Variants in LRRC39 observed in about 807,000 individuals in gnomAD.
LRRC39 encodes the protein leucine rich repeat containing 39.
Under a neutral mutation model 39.7 loss-of-function variants are expected in LRRC39, and 35 were observed. That is an observed-to-expected ratio of 0.88 (90% confidence interval 0.67 to 1.17). The LOEUF (loss-of-function observed/expected upper bound fraction) is 1.17. Among genes scored for constraint, LRRC39 ranks in the 50% most tolerant of loss-of-function variants. LRRC39 has a pLI of 0.00. For synonymous variants in LRRC39, 113 were observed against 134.1 expected (o/e 0.84, Z 1.09); for missense variants, 357 against 385.8 (o/e 0.93, Z 0.62).
chr1:100,165,249 T>C (rs112384486), intron 3 of LRRC39, among the ~76,000 whole-genome samples: 7 of 152,274 alleles, frequency 4.6e-5, no homozygotes, highest in African/African-American at 1.4e-4. Context: ...TTTTGGAAAT[T>C]ACATTTTGCT....
At position 100,152,470 on chromosome 1, in the gene LRRC39, A is replaced by T; in HGVS notation, c.867T>A (p.Ser289Arg). Residue 289 changes from serine to arginine, a missense_variant, in exon 9 of 10, where the codon AGT (serine) becomes AGA (arginine). Coordinates refer to ENST00000370137, the MANE Select transcript of LRRC39 (RefSeq NM_144620.4). ...GTTCCTCTTCTTCATCTGTGCCTTC[A>T]CTGGGAGGAAGTGATACTTTCAATT... ...PLKLKVSLPP[S>R]EGTDEEEERE... The T allele has an allele frequency of 1.2e-6, 2 of 1,614,072 alleles. No individual in the cohort carries two copies. The highest frequency in any genetic ancestry group is 8.5e-7 in the Non-Finnish European group (1 of 1,180,002).
At chr1:100,158,155 T>A (rs1237851741) in intron 6 of LRRC39, 76 bp downstream of exon 6, 1 of 1,443,348 alleles carries the variant, frequency 6.9e-7, no homozygotes, top group East Asian at 2.3e-5. Flanking sequence ...AGTTTTATTA[T>A]TGTTAACAAC....
rs762156293 is a variant in LRRC39 at position 100,155,093 on chromosome 1, A to G, written c.770T>C (p.Leu257Pro). ...TTCCATGCATACTGGAATATCTTGCAGTTTATTGTTGCTGAGAACAAGAGT... is the reference window on the plus strand; with the variant it reads ...TTCCATGCATACTGGAATATCTTGCGGTTTATTGTTGCTGAGAACAAGAGT... ...LGTLVLSNNK[L>P]QDIPVCMEEM... Residue 257 changes from leucine to proline, a missense_variant, in exon 8 of 10, where the codon CTG (leucine) becomes CCG (proline). Physicochemically the swap from Leu to Pro is moderately conservative, Grantham distance 98. Transcript: ENST00000370137. The G allele has an allele frequency of 1.9e-6, 3 of 1,607,012 alleles. No homozygotes were observed. Among genetic ancestry groups the G allele is most frequent in the Non-Finnish European group, 1.7e-6 (2 of 1,177,744 alleles).
At chr1:100,167,083 C>T (rs995386184) in intron 3 of LRRC39, among the ~76,000 whole-genome samples, 1 of 152,146 alleles carries the variant, frequency 6.6e-6, no homozygotes, top group African/African-American at 2.4e-5. Context: ...TAGAAGGTAA[C>T]TGGGTTAGAT....
intron 3 of LRRC39, among the ~76,000 whole-genome samples, chr1:100,163,543 T>C (rs2101783111): frequency 6.6e-6 from 1 of 151,534 alleles, no homozygotes; most frequent in Admixed American, 6.6e-5. Context: ...AATTAAATGA[T>C]ATCTATGTAT....
At chr1:100,170,227 TGGC>T (rs1158965980) in intron 2 of LRRC39, among the ~76,000 whole-genome samples, 1 of 152,150 alleles carries the variant, frequency 6.6e-6, no homozygotes, top group Non-Finnish European at 1.5e-5. Flanking sequence ...AGCTAAAAAG[TGGC>T]AACAACACAA....
At chr1:100,165,270 C>A (rs1443440772) in intron 3 of LRRC39, among the ~76,000 whole-genome samples, 1 of 152,068 alleles carries the variant, frequency 6.6e-6, no homozygotes, top group Non-Finnish European at 1.5e-5. Context: ...AACAGAGAAT[C>A]CTCCTCCCTA....
chr1:100,177,566 C>T (rs764474052), intron 1 of LRRC39, among the ~76,000 whole-genome samples: 6 of 152,210 alleles, frequency 3.9e-5, no homozygotes, highest in Admixed American at 2.0e-4. Flanking sequence ...ACTTCCTGAG[C>T]ATATTGCAAC....
chr1:100,173,113 A>C (rs1377373058), intron 2 of LRRC39, among the ~76,000 whole-genome samples: 2 of 149,260 alleles, frequency 1.3e-5, no homozygotes, highest in Non-Finnish European at 3.0e-5. Context: ...GGTGGCATGC[A>C]CCTGTAATCC....
At chr1:100,152,071 T>C (rs184712961) in intron 9 of LRRC39, among the ~76,000 whole-genome samples, 29 of 152,340 alleles carry the variant, frequency 1.9e-4, no homozygotes, top group Admixed American at 1.8e-3. Flanking sequence ...GTCAAACTGC[T>C]ATGTGTGGCA....
intron 3 of LRRC39, among the ~76,000 whole-genome samples, chr1:100,163,942 G>A (rs1659056558): frequency 6.6e-6 from 1 of 152,054 alleles, no homozygotes; most frequent in Non-Finnish European, 1.5e-5. Flanking sequence ...GTATGGTGTT[G>A]TGGGCCTGTA....
chr1:100,156,103 C>T, intron 7 of LRRC39, 69 bp downstream of exon 7: 1 of 1,463,492 alleles, frequency 6.8e-7, no homozygotes. Flanking sequence ...TCCCATTTGT[C>T]TTGCTTGGTT....
chr1:100,173,936 G>T (rs892169945), intron 1 of LRRC39, among the ~76,000 whole-genome samples: 10 of 152,048 alleles, frequency 6.6e-5, no homozygotes, highest in East Asian at 5.8e-4. Context: ...ATTAAAGAAG[G>T]CCTAAATAAA....
Position 100,158,282 on chromosome 1 carries a change from C to T in LRRC39, c.462G>A (p.Leu154=), listed in dbSNP as rs1202106209. Reference sequence around the variant, plus strand: ...TGTTAACAGCCAGTTCTAGTTTCTCCAAGCTGGCACAATTACTTAGTTCCT... The same window carrying T: ...TGTTAACAGCCAGTTCTAGTTTCTCTAAGCTGGCACAATTACTTAGTTCCT... ...VPKELSNCAS[L]EKLELAVNRD... Residue 154 remains leucine, a synonymous_variant, in exon 6 of 10, where the codon TTG becomes TTA. Transcript: ENST00000370137. The T allele has an allele frequency of 1.2e-6, 2 of 1,614,058 alleles. No individual in the cohort carries two copies. Among genetic ancestry groups the T allele is most frequent in the South Asian group, 2.2e-5 (2 of 91,080 alleles).
chr1:100,151,235 A>G (rs1428013433), intron 9 of LRRC39, among the ~76,000 whole-genome samples: 1 of 151,636 alleles, frequency 6.6e-6, no homozygotes, highest in Non-Finnish European at 1.5e-5. Flanking sequence ...TCTCCATCTT[A>G]GCACCACCAT....
At chr1:100,176,694 T>G (rs974789088) in intron 1 of LRRC39, among the ~76,000 whole-genome samples, 1 of 152,240 alleles carries the variant, frequency 6.6e-6, no homozygotes, top group African/African-American at 2.4e-5. Context: ...TATTTTAACA[T>G]TCTTCTTTAG....
intron 8 of LRRC39, among the ~76,000 whole-genome samples, chr1:100,153,498 C>G (rs1658210227): frequency 1.3e-5 from 2 of 151,980 alleles, no homozygotes; most frequent in Admixed American, 1.3e-4. Flanking sequence ...TAATAATCAA[C>G]AGTTAATAGA....
chr1:100,152,919 GT>G (rs1658160972), intron 8 of LRRC39, among the ~76,000 whole-genome samples: 1 of 152,090 alleles, frequency 6.6e-6, no homozygotes, highest in South Asian at 2.1e-4. Flanking sequence ...TAGAGACAGG[GT>G]TTTGCCATAT....
Position 100,148,640 on chromosome 1 carries a change from A to G in LRRC39, c.*402T>C, listed in dbSNP as rs1357154458. On this transcript the variant is annotated 3_prime_UTR_variant, in exon 10 of 10. Coordinates refer to ENST00000370137, the MANE Select transcript of LRRC39 (RefSeq NM_144620.4). ...TTCAATTTAGGCTTCTTAGTGTTGA[A>G]GAAAAGAAGAAAATAGGGCATCTTT... 1 of 1,607,926 alleles carries G rather than the reference A, an allele frequency of 6.2e-7. No individual in the cohort carries two copies. Among genetic ancestry groups the G allele is most frequent in the Non-Finnish European group, 8.5e-7 (1 of 1,178,580 alleles).
Sources: allele counts gnomAD v4.1 joint callset (sites outside exome capture counted in the v4.1 genomes callset), GRCh38; gene constraint gnomAD v4.1.1; transcripts MANE v1.5; gene names NCBI Gene and HGNC (gene_info 2026-07-23, HGNC 2026-07-21).